KITLG: variants seen among roughly 807,000 people sequenced by gnomAD.
KITLG encodes c-Kit ligand.
KITLG carries 13 observed loss-of-function variants against 34.1 expected under a neutral mutation model. The ratio of observed to expected loss-of-function variants is 0.38; its 90% CI spans 0.25 to 0.61. KITLG has a LOEUF of 0.61. Among genes scored for constraint, KITLG ranks in the 20% least tolerant of loss-of-function variants. KITLG has a pLI of 0.60. For synonymous variants in KITLG, 110 were observed against 104.0 expected, an observed-to-expected ratio of 1.06 and a Z score of -0.35; for missense variants, 292 against 318.9, an observed-to-expected ratio of 0.92 and a Z score of 0.64.
chr12:88,539,876 G>A (rs1381275628), intron 2 of KITLG, among the ~76,000 whole-genome samples: 1 of 152,016 alleles, frequency 6.6e-6, no homozygotes, highest in Non-Finnish European at 1.5e-5. Flanking sequence ...AGTGAGCCAT[G>A]ATTGCACCAC....
chr12:88,530,447 T>C (rs948914253), intron 3 of KITLG, among the ~76,000 whole-genome samples: 1 of 152,158 alleles, frequency 6.6e-6, no homozygotes, highest in African/African-American at 2.4e-5. Context: ...AATTAATATG[T>C]GAAATCATTT....
chr12:88,555,848 T>C (rs1488914526), intron 1 of KITLG, among the ~76,000 whole-genome samples: 1 of 152,062 alleles, frequency 6.6e-6, no homozygotes, highest in Non-Finnish European at 1.5e-5. Context: ...AATAAATACA[T>C]AAGATAAAGA....
At chr12:88,573,835 C>CT (rs1271435039) in intron 1 of KITLG, among the ~76,000 whole-genome samples, 1 of 152,020 alleles carries the variant, frequency 6.6e-6, no homozygotes, top group Non-Finnish European at 1.5e-5. Flanking sequence ...CTTTCATGTC[C>CT]TTTTACATGG....
chr12:88,536,803 G>A (rs1234769142), intron 2 of KITLG, among the ~76,000 whole-genome samples: 2 of 152,034 alleles, frequency 1.3e-5, no homozygotes. Context: ...ATGGACACAG[G>A]GAGGGAAACA....
chr12:88,492,848 A>C lies in KITLG; in HGVS notation c.*4371T>G, dbSNP rs920552881. 9.8e-5 allele frequency: 15 copies of C among 152,412 alleles called. No individual in the cohort carries two copies. Among genetic ancestry groups the C allele is most frequent in the African/African-American group, 2.7e-4 (11 of 41,424 alleles). The allele number at this position is 152,412 out of a possible 1,614,324, so 9.4% of individuals were successfully genotyped here. ...AATAAAGTATATGTATATATCATGT[A>C]ATTTTAAATTCAAACCTGTATAAAA... On this transcript the variant is annotated 3_prime_UTR_variant, in exon 10 of 10. Coordinates refer to ENST00000644744, the MANE Select transcript of KITLG (RefSeq NM_000899.5).
Position 88,494,770 on chromosome 12 carries a change from C to G in KITLG, c.*2449G>C, listed in dbSNP as rs1378877717. 6.6e-6 allele frequency: 1 copy of G among 152,198 alleles called. No homozygotes were observed. Among genetic ancestry groups the G allele is most frequent in the Non-Finnish European group, 1.5e-5 (1 of 67,928 alleles). The allele number at this position is 152,198 out of a possible 1,614,324, so 9.4% of individuals were successfully genotyped here. On this transcript the variant is annotated 3_prime_UTR_variant, in exon 10 of 10. Transcript: ENST00000644744. Reference sequence around the variant, plus strand: ...AATTTTGAAACCTTCCAAGATGGAACTGTCAGATACATGGCACCAACTGAA... The same window carrying G: ...AATTTTGAAACCTTCCAAGATGGAAGTGTCAGATACATGGCACCAACTGAA...
At chr12:88,505,257 T>C (rs1233246338) in intron 8 of KITLG, 22 bp from the exon 9 acceptor site, 10 of 1,591,220 alleles carry the variant, frequency 6.3e-6, no homozygotes, top group Non-Finnish European at 8.6e-6. Flanking sequence ...TAAGAAAAAA[T>C]GCTTATTTGC....
At chr12:88,567,661 A>T (rs1339977559) in intron 1 of KITLG, among the ~76,000 whole-genome samples, 1 of 152,232 alleles carries the variant, frequency 6.6e-6, no homozygotes, top group African/African-American at 2.4e-5. Context: ...CATGCAAAAA[A>T]AATAAAAACA....
chr12:88,516,852 A>C (rs1869478401), intron 4 of KITLG, among the ~76,000 whole-genome samples: 1 of 151,536 alleles, frequency 6.6e-6, no homozygotes, highest in South Asian at 2.1e-4. Flanking sequence ...AAAAAAAAAA[A>C]AAAACCACAC....
intron 2 of KITLG, among the ~76,000 whole-genome samples, chr12:88,538,047 G>A (rs1870392393): frequency 6.6e-6 from 1 of 152,042 alleles, no homozygotes; most frequent in Non-Finnish European, 1.5e-5. Context: ...TCTAGCTGAT[G>A]GATTTATAAG....
chr12:88,503,114 C>T (rs190011270), intron 9 of KITLG, among the ~76,000 whole-genome samples: 9 of 152,162 alleles, frequency 5.9e-5, no homozygotes, highest in Admixed American at 1.3e-4. Flanking sequence ...GGGTGCTATT[C>T]ATGCTACGGA....
intron 9 of KITLG, among the ~76,000 whole-genome samples, chr12:88,500,860 G>T (rs1259616568): frequency 6.6e-6 from 1 of 152,124 alleles, no homozygotes; most frequent in Non-Finnish European, 1.5e-5. Context: ...GCTTATTACA[G>T]CCTCAACCTC....
intron 8 of KITLG, 97 bp downstream of exon 8, chr12:88,506,214 G>T: frequency 1.2e-6 from 1 of 836,616 alleles, no homozygotes; most frequent in Non-Finnish European, 2.1e-6. Context: ...CTACTGTCAT[G>T]AGTGAAGGAC....
chr12:88,548,446 T>G (rs1342407710), intron 1 of KITLG, among the ~76,000 whole-genome samples: 1 of 94,962 alleles, frequency 1.1e-5, no homozygotes. Context: ...AAAGCTAGAC[T>G]ACATCACCAA....
intron 2 of KITLG, among the ~76,000 whole-genome samples, chr12:88,541,322 C>T (rs1319338075): frequency 6.6e-6 from 1 of 151,990 alleles, no homozygotes; most frequent in African/African-American, 2.4e-5. Context: ...AGTAATTTCA[C>T]CTTTACGAGA....
chr12:88,577,367 G>C (rs1341125218), intron 1 of KITLG, among the ~76,000 whole-genome samples: 4 of 152,038 alleles, frequency 2.6e-5, no homozygotes, highest in Non-Finnish European at 5.9e-5. Flanking sequence ...GAAATTGACA[G>C]GAGTTATGAC....
intron 3 of KITLG, among the ~76,000 whole-genome samples, chr12:88,520,946 A>T (rs970903078): frequency 1.6e-4 from 24 of 152,186 alleles, no homozygotes; most frequent in Non-Finnish European, 2.1e-4. Flanking sequence ...AACCATGGAA[A>T]TTCCACAATC....
At chr12:88,536,700 T>G (rs984677379) in intron 2 of KITLG, among the ~76,000 whole-genome samples, 1 of 152,128 alleles carries the variant, frequency 6.6e-6, no homozygotes, top group African/African-American at 2.4e-5. Context: ...TGGATGAAGC[T>G]GGAAACAATC....
At position 88,495,433 on chromosome 12, in the gene KITLG, A is replaced by G. The variant is rs1265387147; in HGVS notation, c.*1786T>C. 1.3e-5 allele frequency: 2 copies of G among 152,422 alleles called. No homozygotes were observed. The highest frequency in any genetic ancestry group is 2.9e-5 in the Non-Finnish European group (2 of 67,988). 9.4% of individuals were successfully genotyped at this position (152,422 alleles called of 1,614,324 possible). On this transcript the variant is annotated 3_prime_UTR_variant, in exon 10 of 10. Coordinates refer to ENST00000644744, the MANE Select transcript of KITLG (RefSeq NM_000899.5). ...GGTTTTATTACTAATCAAGTGTACC[A>G]TGTGATATCTGAGGGCCTGAACACC... is the stretch of plus-strand genomic sequence containing the variant.
Sources: allele counts gnomAD v4.1 joint callset (sites outside exome capture counted in the v4.1 genomes callset), GRCh38; gene constraint gnomAD v4.1.1; transcripts MANE v1.5; gene names NCBI Gene and HGNC (gene_info 2026-07-23, HGNC 2026-07-21).